Variants in THADA observed in about 807,000 individuals in gnomAD.
The protein encoded by THADA is THADA armadillo repeat containing, also known as tRNA (32-2'-O)-methyltransferase regulator THADA.
In THADA, 213 loss-of-function variants were observed where a neutral mutation model predicts 219.8. The observed-to-expected ratio is 0.97, with a 90% confidence interval of 0.87 to 1.09. THADA has a LOEUF of 1.09. THADA is among the 50% of genes least tolerant of loss of function. The pLI is 0.00. For synonymous variants in THADA, 1,018 were observed against 828.9 expected (o/e 1.23, Z -3.92); for missense variants, 2,956 against 2,311.3 (o/e 1.28, Z -5.72).
At chr2:43,504,227 G>C (rs1038795811) in intron 24 of THADA, among the ~76,000 whole-genome samples, 19 of 151,920 alleles carry the variant, frequency 1.3e-4, no homozygotes, top group African/African-American at 4.4e-4. Flanking sequence ...GATCATTTTT[G>C]AATGGTGATT....
intron 29 of THADA, among the ~76,000 whole-genome samples, chr2:43,359,296 G>T (rs1318051661): frequency 6.6e-6 from 1 of 152,210 alleles, no homozygotes; most frequent in Non-Finnish European, 1.5e-5. Flanking sequence ...CCTTTGTTCA[G>T]AGAATGGTGA....
At chr2:43,352,544 T>C (rs896256045) in intron 29 of THADA, among the ~76,000 whole-genome samples, 1 of 151,036 alleles carries the variant, frequency 6.6e-6, no homozygotes, top group Non-Finnish European at 1.5e-5. Context: ...GGTGACAGAG[T>C]GAGACTAAAA....
intron 31 of THADA, among the ~76,000 whole-genome samples, chr2:43,297,502 C>G (rs1278603252): frequency 5.9e-4 from 32 of 54,382 alleles, no homozygotes; most frequent in African/African-American, 2.0e-3. Context: ...GGGAGGTGGG[C>G]GGTCAGCCCC....
At position 43,549,323 on chromosome 2, in the gene THADA, C is replaced by T. The variant is rs777708794; in HGVS notation, c.2993G>A (p.Arg998Gln). The change falls in exon 20 of 38, where the codon CGA becomes CAA. Residue 998 changes from arginine to glutamine, a missense_variant. By Grantham distance (43) the Arg-to-Gln change is conservative. Coordinates refer to ENST00000405975, the MANE Select transcript of THADA (RefSeq NM_022065.5). Reference protein sequence around the residue: ...LQMILNEIQPRDTNDYFNQAK... With the variant: ...LQMILNEIQPQDTNDYFNQAK... ...TTGGTTAAAATAATCATTAGTATCT[C>T]GAGGCTGAATCTCATTCAGAATCAT... The T allele has an allele frequency of 1.3e-5, 21 of 1,602,560 alleles. No individual in the cohort carries two copies. Among genetic ancestry groups the T allele is most frequent in the East Asian group, 6.7e-5 (3 of 44,796 alleles).
At chr2:43,541,942 CCTT>C (rs1695379357) in intron 20 of THADA, among the ~76,000 whole-genome samples, 1 of 152,028 alleles carries the variant, frequency 6.6e-6, no homozygotes, top group Non-Finnish European at 1.5e-5. Context: ...TAAATACACT[CCTT>C]ATTTATTTTG....
chr2:43,441,059 G>C (rs1680784910), intron 26 of THADA, among the ~76,000 whole-genome samples: 1 of 152,138 alleles, frequency 6.6e-6, no homozygotes, highest in African/African-American at 2.4e-5. Flanking sequence ...GAGCAAAGTA[G>C]GTTTTTGACT....
chr2:43,541,439 A>G (rs566496274), intron 20 of THADA, 123 bp from the exon 21 acceptor site: 1 of 1,071,006 alleles, frequency 9.3e-7, no homozygotes, highest in East Asian at 2.5e-5. Context: ...TTGTCATGTT[A>G]TATTTACTCA....
chr2:43,344,095 C>A, intron 30 of THADA, 27 bp downstream of exon 30: 1 of 1,519,812 alleles, frequency 6.6e-7, no homozygotes, highest in Admixed American at 1.8e-5. Context: ...CCTGATAACT[C>A]CTTGCTCATG....
At chr2:43,558,009 T>G (rs1697592526) in intron 16 of THADA, among the ~76,000 whole-genome samples, 1 of 152,238 alleles carries the variant, frequency 6.6e-6, no homozygotes, top group African/African-American at 2.4e-5. Context: ...AAGAACCAAT[T>G]AAGCATCTAA....
chr2:43,505,037 G>A (rs1689486231), intron 24 of THADA, among the ~76,000 whole-genome samples: 1 of 152,120 alleles, frequency 6.6e-6, no homozygotes, highest in South Asian at 2.1e-4. Flanking sequence ...CATATATGTA[G>A]GTAGTGACTA....
At chr2:43,465,680 AC>A (rs1684147832) in intron 26 of THADA, among the ~76,000 whole-genome samples, 1 of 152,140 alleles carries the variant, frequency 6.6e-6, no homozygotes, top group African/African-American at 2.4e-5. Flanking sequence ...CCCTGAGTCT[AC>A]CCTAGCCCCT....
rs750531653 is a variant in THADA at position 43,574,938 on chromosome 2, G to A, written c.1127C>T (p.Pro376Leu). 2.9e-5 allele frequency: 46 copies of A among 1,613,816 alleles called. No homozygotes were observed. Among genetic ancestry groups the A allele is most frequent in the African/African-American group, 9.3e-5 (7 of 74,906 alleles). ...SAIQVLESSSPSLTDSLNGNS... is the reference protein window; with the variant it reads ...SAIQVLESSSLSLTDSLNGNS... Reference sequence around the variant, plus strand: ...CCCATTCAGGCTGTCCGTTAGGCTCGGGGAACTTGATTCAAGGACTTGTAT... The same window carrying A: ...CCCATTCAGGCTGTCCGTTAGGCTCAGGGAACTTGATTCAAGGACTTGTAT... Residue 376 changes from proline to leucine, a missense_variant, in exon 11 of 38, where the codon CCG (proline) becomes CTG (leucine). Pro to Leu is a moderately conservative substitution (Grantham distance 98). Coordinates refer to ENST00000405975, the MANE Select transcript of THADA (RefSeq NM_022065.5).
At chr2:43,514,407 T>C (rs1690904755) in intron 22 of THADA, among the ~76,000 whole-genome samples, 1 of 148,244 alleles carries the variant, frequency 6.7e-6, no homozygotes, top group African/African-American at 2.5e-5. Flanking sequence ...GCTGAGATCA[T>C]GCCAAGGCAC....
At chr2:43,246,545 C>A (rs1669174401) in intron 36 of THADA, among the ~76,000 whole-genome samples, 1 of 151,914 alleles carries the variant, frequency 6.6e-6, no homozygotes, top group Non-Finnish European at 1.5e-5. Context: ...CCAGAAAGTT[C>A]CCTTACTATA....
At chr2:43,514,351 T>A (rs1284175205) in intron 22 of THADA, among the ~76,000 whole-genome samples, 1 of 150,024 alleles carries the variant, frequency 6.7e-6, no homozygotes, top group Non-Finnish European at 1.5e-5. Flanking sequence ...CTTGGGAGGC[T>A]GAGGTGGGAG....
intron 30 of THADA, among the ~76,000 whole-genome samples, chr2:43,340,719 T>C (rs192206065): frequency 6.6e-6 from 1 of 152,364 alleles, no homozygotes; most frequent in East Asian, 1.9e-4. Flanking sequence ...TTCTTTCATG[T>C]GTAAATTACC....
intron 36 of THADA, among the ~76,000 whole-genome samples, chr2:43,272,238 G>A (rs1672208648): frequency 6.6e-6 from 1 of 152,216 alleles, no homozygotes; most frequent in South Asian, 2.1e-4. Flanking sequence ...GCTGGACTGG[G>A]TAGGATTTTA....
At chr2:43,334,838 C>T (rs1001524774) in intron 30 of THADA, among the ~76,000 whole-genome samples, 8 of 152,096 alleles carry the variant, frequency 5.3e-5, no homozygotes, top group Admixed American at 3.3e-4. Flanking sequence ...ACTGGGATGG[C>T]GGCCCAGACA....
In THADA at chr2:43,413,587, CT is replaced by C. The variant is rs533181805; in HGVS notation, c.4058+14512del. ...TATTTGATAATCAAAGCCTTAGGCA[CT>C]ACTATTTCAGCCATCAAGTGACCCA... On this transcript the variant is annotated intron_variant, in intron 28 of 37. Coordinates refer to ENST00000405975, the MANE Select transcript of THADA (RefSeq NM_022065.5). Among the ~76,000 whole-genome samples the C allele has an allele frequency of 1.8e-4, 28 of 152,246 alleles. 1 individual carries two copies. In the South Asian group the frequency reaches 5.8e-3, roughly 32 times the overall value.
Sources: gnomAD v4.1 joint callset for allele counts (sites outside exome capture counted in the v4.1 genomes callset) on GRCh38, gnomAD v4.1.1 for gene constraint, MANE v1.5 for transcripts, NCBI Gene and HGNC (gene_info 2026-07-23, HGNC 2026-07-21) for gene names.